The following OR52B4 variants were observed in gnomAD, a reference collection of about 807,000 sequenced individuals.
The protein encoded by OR52B4 is olfactory receptor 52B4.
For synonymous variants in OR52B4, 182 were observed against 142.3 expected, an observed-to-expected ratio of 1.28 and a Z score of -1.98; for missense variants, 450 against 387.0, an observed-to-expected ratio of 1.16 and a Z score of -1.36.
rs372040155 is a variant in OR52B4 at position 4,367,656 on chromosome 11, C to A, written c.640G>T (p.Val214Leu). 6.2e-7 allele frequency: 1 copy of A among 1,613,738 alleles called. No individual in the cohort carries two copies. Among genetic ancestry groups the A allele is most frequent in the African/African-American group, 1.3e-5 (1 of 74,864 alleles). Residue 214 changes from valine (V) to leucine (L), a missense_variant, in exon 1 of 1, where the codon GTA (valine) becomes TTA (leucine). Physicochemically the swap from Val to Leu is conservative, Grantham distance 32. Transcript: ENST00000624801. ...AGCATATAGGAAATAAAAATTAGTA[C>A]AACATCTAAGACCACCGTCGACATT... ...ILMSTVVLDV[V>L]LIFISYMLIL...
chr11:4,367,277 C>A lies in OR52B4; in HGVS notation c.*74G>T. 1 of 885,464 alleles carries A rather than the reference C, an allele frequency of 1.1e-6. No homozygotes were observed. The highest frequency in any genetic ancestry group is 1.8e-6 in the Non-Finnish European group (1 of 568,710). 54.9% of individuals were successfully genotyped at this position (885,464 alleles called of 1,614,324 possible). A position where few individuals can be genotyped will look rare whatever the true frequency, so the allele number is the denominator to read the frequency against. ...GTTATTTCCTACGGTATCAGCTGAC[C>A]TCTCCCATCTACCACTTTCATACCC... On this transcript the variant is annotated 3_prime_UTR_variant, in exon 1 of 1. Coordinates refer to ENST00000624801, the MANE Select transcript of OR52B4 (RefSeq NM_001005161.3).
At position 4,368,144 on chromosome 11, in the gene OR52B4, A is replaced by T. The variant is rs764525338; in HGVS notation, c.152T>A (p.Ile51Asn). The T allele has an allele frequency of 1.9e-6, 3 of 1,612,898 alleles. No individual in the cohort carries two copies. Among genetic ancestry groups the T allele is most frequent in the African/African-American group, 1.3e-5 (1 of 74,764 alleles). ...TTCATGGAGGCTGCGCTTTGTGAGG[A>T]TAATGAAGATGAGCAGGCTGTTCCC... is the stretch of plus-strand genomic sequence containing the variant. Reference protein sequence around the residue: ...LLGNSLLIFIILTKRSLHEPM... With the variant: ...LLGNSLLIFINLTKRSLHEPM... Residue 51 changes from isoleucine to asparagine, a missense_variant, in exon 1 of 1, where the codon ATC (isoleucine) becomes AAC (asparagine). By Grantham distance (149) the Ile-to-Asn change is moderately radical. Transcript: ENST00000624801.
chr11:4,368,344 G>T lies in OR52B4; in HGVS notation c.-49C>A. ...TCACCTCCTACTCACAGAGGTAGAA[G>T]AAGATAAAATCTGCAACATTCTTTG... On this transcript the variant is annotated 5_prime_UTR_variant, in exon 1 of 1. Transcript: ENST00000624801. The T allele has an allele frequency of 2.0e-6, 2 of 1,002,226 alleles. No individual in the cohort carries two copies. The highest frequency in any genetic ancestry group is 3.0e-6 in the Non-Finnish European group (2 of 662,406). 62.1% of individuals were successfully genotyped at this position (1,002,226 alleles called of 1,614,324 possible). A position where few individuals can be genotyped will look rare whatever the true frequency, so the allele number is the denominator to read the frequency against.
Position 4,367,632 on chromosome 11 carries a change from G to A in OR52B4, c.664C>T (p.Leu222=), listed in dbSNP as rs376979756. The change falls in exon 1 of 1, where the codon CTG becomes TTG. Residue 222 remains leucine (L), a synonymous_variant. Transcript: ENST00000624801. The part of the protein sequence containing the change: ...DVVLIFISYM[L]ILHAVFHMPS... Reference sequence around the variant, plus strand: ...ATGTGGAAGACAGCATGGAGAATCAGCATATAGGAAATAAAAATTAGTACA... The same window carrying A: ...ATGTGGAAGACAGCATGGAGAATCAACATATAGGAAATAAAAATTAGTACA... 1 of 1,613,896 alleles carries A rather than the reference G, an allele frequency of 6.2e-7. No homozygotes were observed. Among genetic ancestry groups the A allele is most frequent in the African/African-American group, 1.3e-5 (1 of 74,890 alleles).
chr11:4,367,445 A>G lies in OR52B4; in HGVS notation c.851T>C (p.Leu284Pro), dbSNP rs904971456. The change falls in exon 1 of 1, where the codon CTG becomes CCG. Residue 284 changes from leucine to proline, a missense_variant. Transcript: ENST00000624801. ...IHIPLANVCILAPPMLNPIIY... is the reference protein window; with the variant it reads ...IHIPLANVCIPAPPMLNPIIY... Reference sequence around the variant, plus strand: ...AATGGGATTCAGCATAGGTGGAGCCAGAATGCAGACATTAGCCAACGGGAT... The same window carrying G: ...AATGGGATTCAGCATAGGTGGAGCCGGAATGCAGACATTAGCCAACGGGAT... The G allele has an allele frequency of 3.3e-5, 54 of 1,613,840 alleles. No homozygotes were observed. The highest frequency in any genetic ancestry group is 4.3e-5 in the Non-Finnish European group (51 of 1,179,852).
In OR52B4 at chr11:4,367,612, G is replaced by A. The variant is rs372387560; in HGVS notation, c.684C>T (p.Phe228=). 2.5e-6 allele frequency: 4 copies of A among 1,613,948 alleles called. No individual in the cohort carries two copies. In the African/African-American group the frequency reaches 5.3e-5, roughly 22 times the overall value. Residue 228 remains phenylalanine, a synonymous_variant, in exon 1 of 1, where the codon TTC becomes TTT. Coordinates refer to ENST00000624801, the MANE Select transcript of OR52B4 (RefSeq NM_001005161.3). ...GGCAAGCATCTGGAGAAGGCATGTG[G>A]AAGACAGCATGGAGAATCAGCATAT... ...ISYMLILHAV[F]HMPSPDACHK... is the part of the protein sequence containing the mutation.
In OR52B4 at chr11:4,368,231, A is replaced by G. The variant is rs370596800; in HGVS notation, c.65T>C (p.Leu22Pro). 4.6e-5 allele frequency: 75 copies of G among 1,613,800 alleles called. No homozygotes were observed. The African/African-American group carries it at 8.5e-4, about 18-fold the overall frequency. ...AGAAATCCACATGTGCTGGTCCTGT[A>G]GGCCAGGGATGCCCAGCAAGTGGAA... is the stretch of plus-strand genomic sequence containing the variant. ...TVFHLLGIPG[L>P]QDQHMWISIP... Residue 22 changes from leucine (L) to proline (P), a missense_variant, in exon 1 of 1, where the codon CTA becomes CCA. By Grantham distance (98) the Leu-to-Pro change is moderately conservative. Coordinates refer to ENST00000624801, the MANE Select transcript of OR52B4 (RefSeq NM_001005161.3).
At position 4,368,267 on chromosome 11, in the gene OR52B4, C is replaced by G. The variant is rs745307476; in HGVS notation, c.29G>C (p.Ser10Thr). The change falls in exon 1 of 1, where the codon AGC becomes ACC. Residue 10 changes from serine to threonine, a missense_variant. Physicochemically the swap from Ser to Thr is moderately conservative, Grantham distance 58. Coordinates refer to ENST00000624801, the MANE Select transcript of OR52B4 (RefSeq NM_001005161.3). ...GCCCAGCAAGTGGAAGACTGTGTGG[C>G]TAGTGCCACTGTGGTTTACAGTAGG... MPTVNHSGT[S>T]HTVFHLLGIP... 6.2e-7 allele frequency: 1 copy of G among 1,612,070 alleles called. No individual in the cohort carries two copies. Among genetic ancestry groups the G allele is most frequent in the East Asian group, 2.2e-5 (1 of 44,850 alleles).
Position 4,367,839 on chromosome 11 carries a change from T to C in OR52B4, c.457A>G (p.Arg153Gly). The C allele has an allele frequency of 6.2e-7, 1 of 1,613,946 alleles. No individual in the cohort carries two copies. The highest frequency in any genetic ancestry group is 8.5e-7 in the Non-Finnish European group (1 of 1,179,858). ...ATAGGGAAAATTGTACCATAACTTC[T>C]CAGAGAGACAGTCACACAAATTTTC... ...IKKICVTVSL[R>G]SYGTIFPIIF... The change falls in exon 1 of 1, where the codon AGA becomes GGA. Residue 153 changes from arginine to glycine, a missense_variant. Coordinates refer to ENST00000624801, the MANE Select transcript of OR52B4 (RefSeq NM_001005161.3).
rs374102833 is a variant in OR52B4, at chr11:4,367,871, A to G, written c.425T>C (p.Leu142Pro). The change falls in exon 1 of 1, where the codon CTG (leucine) becomes CCG (proline). Residue 142 changes from leucine (L) to proline (P), a missense_variant. Physicochemically the swap from Leu to Pro is moderately conservative, Grantham distance 98 (BLOSUM62 -3). Transcript: ENST00000624801. Reference protein sequence around the residue: ...LRYTTILTNALIKKICVTVSL... With the variant: ...LRYTTILTNAPIKKICVTVSL... Reference sequence around the variant, plus strand: ...GACAGTCACACAAATTTTCTTGATCAGAGCATTTGTAAGAATGGTGGTGTA... The same window carrying G: ...GACAGTCACACAAATTTTCTTGATCGGAGCATTTGTAAGAATGGTGGTGTA... 3.2e-5 allele frequency: 52 copies of G among 1,614,030 alleles called. No homozygotes were observed. The highest frequency in any genetic ancestry group is 3.3e-4 in the Middle Eastern group (2 of 6,084).
Position 4,367,934 on chromosome 11 carries a change from G to A in OR52B4, c.362C>T (p.Ala121Val). ...GCATATGGCAATATAGTGGTCAAAG[G>A]CCATCACCAGCAAGATCCCTGACTC... Reference protein sequence around the residue: ...ISESGILLVMAFDHYIAICYP... With the variant: ...ISESGILLVMVFDHYIAICYP... Residue 121 changes from alanine to valine, a missense_variant, in exon 1 of 1, where the codon GCC becomes GTC. Ala to Val is a moderately conservative substitution (Grantham distance 64). Coordinates refer to ENST00000624801, the MANE Select transcript of OR52B4 (RefSeq NM_001005161.3). 6.2e-7 allele frequency: 1 copy of A among 1,613,956 alleles called. No homozygotes were observed. The highest frequency in any genetic ancestry group is 8.5e-7 in the Non-Finnish European group (1 of 1,179,926).
chr11:4,367,318 A>C lies in OR52B4; in HGVS notation c.*33T>G. 82 of 1,383,200 alleles carry C rather than the reference A, an allele frequency of 5.9e-5. No individual in the cohort carries two copies. The highest frequency in any genetic ancestry group is 7.9e-5 in the Non-Finnish European group (78 of 986,746). The allele number at this position is 1,383,200 out of a possible 1,614,324, so 85.7% of individuals were successfully genotyped here. A position where few individuals can be genotyped will look rare whatever the true frequency, so the allele number is the denominator to read the frequency against. ...TTTCATACCCACTTACCAGATAGCT[A>C]GAGATTCTGAAAACTCAGTTCTTAA... On this transcript the variant is annotated 3_prime_UTR_variant, in exon 1 of 1. Transcript: ENST00000624801.
Position 4,367,897 on chromosome 11 carries a change from C to A in OR52B4, c.399G>T (p.Arg133Ser). The part of the protein sequence containing the change: ...DHYIAICYPL[R>S]YTTILTNALI... ...GAGCATTTGTAAGAATGGTGGTGTA[C>A]CTCAGTGGGTAGCATATGGCAATAT... The change falls in exon 1 of 1, where the codon AGG becomes AGT. Residue 133 changes from arginine (R) to serine (S), a missense_variant. Transcript: ENST00000624801. 3 of 1,614,004 alleles carry A rather than the reference C, an allele frequency of 1.9e-6. No individual in the cohort carries two copies. Among genetic ancestry groups the A allele is most frequent in the African/African-American group, 2.7e-5 (2 of 75,000 alleles).
At position 4,368,124 on chromosome 11, in the gene OR52B4, G is replaced by A. The variant is rs1193628793; in HGVS notation, c.172C>T (p.His58Tyr). The A allele has an allele frequency of 1.9e-6, 3 of 1,613,842 alleles. No individual in the cohort carries two copies. Among genetic ancestry groups the A allele is most frequent in the African/African-American group, 2.7e-5 (2 of 74,912 alleles). ...IFIILTKRSL[H>Y]EPMYLFLCML... ...CAGAGGAAGAGGTACATGGGTTCAT[G>A]GAGGCTGCGCTTTGTGAGGATAATG... is the stretch of plus-strand genomic sequence containing the variant. The change falls in exon 1 of 1, where the codon CAT becomes TAT. Residue 58 changes from histidine to tyrosine, a missense_variant. His to Tyr is a moderately conservative substitution (Grantham distance 83). Transcript: ENST00000624801.
Position 4,368,099 on chromosome 11 carries a change from C to T in OR52B4, c.197G>A (p.Cys66Tyr), listed in dbSNP as rs750578900. The change falls in exon 1 of 1, where the codon TGC (cysteine) becomes TAC (tyrosine). Residue 66 changes from cysteine to tyrosine, a missense_variant. Transcript: ENST00000624801. ...GACAATGTCTGCTCCAGCCAGCATG[C>T]AGAGGAAGAGGTACATGGGTTCATG... ...SLHEPMYLFL[C>Y]MLAGADIVLS... The T allele has an allele frequency of 3.1e-5, 50 of 1,613,782 alleles. No individual in the cohort carries two copies. The highest frequency in any genetic ancestry group is 1.6e-4 in the Middle Eastern group (1 of 6,082).
rs748806379 is a variant in OR52B4 at position 4,367,548 on chromosome 11, T to A, written c.748A>T (p.Ile250Phe). Reference protein sequence around the residue: ...LNTFGSHVCIIILFYGSGIFT... With the variant: ...LNTFGSHVCIFILFYGSGIFT... ...ATGCCAGACCCATAAAAGAGGATGATGATGCAGACATGGGAGCCAAATGTG... is the reference window on the plus strand; with the variant it reads ...ATGCCAGACCCATAAAAGAGGATGAAGATGCAGACATGGGAGCCAAATGTG... The change falls in exon 1 of 1, where the codon ATC (isoleucine) becomes TTC (phenylalanine). Residue 250 changes from isoleucine to phenylalanine, a missense_variant. Transcript: ENST00000624801. The A allele has an allele frequency of 1.9e-6, 3 of 1,613,982 alleles. No individual in the cohort carries two copies. Among genetic ancestry groups the A allele is most frequent in the Non-Finnish European group, 2.5e-6 (3 of 1,179,934 alleles).
Position 4,367,398 on chromosome 11 carries a change from G to C in OR52B4, c.898C>G (p.Gln300Glu). Residue 300 changes from glutamine to glutamate, a missense_variant, in exon 1 of 1, where the codon CAA becomes GAA. Coordinates refer to ENST00000624801, the MANE Select transcript of OR52B4 (RefSeq NM_001005161.3). ...AACTGAACCACCTGTTCCTGGATTTGCTTGGTTTTGATCCCATAAATAATG... is the reference window on the plus strand; with the variant it reads ...AACTGAACCACCTGTTCCTGGATTTCCTTGGTTTTGATCCCATAAATAATG... Reference protein sequence around the residue: ...NPIIYGIKTKQIQEQVVQFLF... With the variant: ...NPIIYGIKTKEIQEQVVQFLF... The C allele has an allele frequency of 1.9e-6, 3 of 1,610,328 alleles. No homozygotes were observed. Among genetic ancestry groups the C allele is most frequent in the Non-Finnish European group, 1.7e-6 (2 of 1,177,306 alleles).
In OR52B4 at chr11:4,367,760, G is replaced by A; in HGVS notation, c.536C>T (p.Thr179Ile). Residue 179 changes from threonine to isoleucine, a missense_variant, in exon 1 of 1, where the codon ACC becomes ATC. Physicochemically the swap from Thr to Ile is moderately conservative, Grantham distance 89. Transcript: ENST00000624801. ...TFCQNNIIPHTFCEHIGLAKY... is the reference protein window; with the variant it reads ...TFCQNNIIPHIFCEHIGLAKY... ...GGCTAGGCCAATGTGTTCACAAAAG[G>A]TGTGTGGAATAATATTATTCTGGCA... 4 of 1,613,860 alleles carry A rather than the reference G, an allele frequency of 2.5e-6. No homozygotes were observed. Among genetic ancestry groups the A allele is most frequent in the South Asian group, 1.1e-5 (1 of 91,084 alleles).
chr11:4,367,707 T>A lies in OR52B4; in HGVS notation c.589A>T (p.Asn197Tyr). Residue 197 changes from asparagine to tyrosine, a missense_variant, in exon 1 of 1, where the codon AAC (asparagine) becomes TAC (tyrosine). Transcript: ENST00000624801. ...AGAATGGAAAACCCATACCAAATGT[T>A]TATTCGAATGTCATTACATGCATAT... ...AKYACNDIRI[N>Y]IWYGFSILMS... 2 of 1,613,668 alleles carry A rather than the reference T, an allele frequency of 1.2e-6. No homozygotes were observed. The highest frequency in any genetic ancestry group is 1.1e-5 in the South Asian group (1 of 91,068).
Sources: allele counts gnomAD v4.1 joint callset, GRCh38; gene constraint gnomAD v4.1.1; transcripts MANE v1.5; gene names NCBI Gene and HGNC (gene_info 2026-07-23, HGNC 2026-07-21).